STXBP4: variants seen among roughly 807,000 people sequenced by gnomAD.
STXBP4 encodes the protein syntaxin binding protein 4.
A neutral mutation model predicts 76.1 loss-of-function variants in STXBP4; 55 were observed. The ratio of observed to expected loss-of-function variants is 0.72; its 90% confidence interval spans 0.58 to 0.91. STXBP4 has a LOEUF of 0.91. Ranked by LOEUF, STXBP4 falls within the 40% of genes least tolerant of loss-of-function variation. The pLI, the probability that STXBP4 is intolerant of heterozygous loss-of-function variation, is 0.00. For synonymous variants in STXBP4, 201 were observed against 220.2 expected (o/e 0.91, Z 0.77); for missense variants, 618 against 636.9 (o/e 0.97, Z 0.32).
At chr17:55,193,254 G>A in the STXBP4 span, among the ~76,000 whole-genome samples, 1 of 152,158 alleles carries the variant, frequency 6.6e-6, no homozygotes, top group Admixed American at 6.6e-5. Flanking sequence ...AGACCTGAGA[G>A]GTAGAGCGAG....
intron 16 of STXBP4, among the ~76,000 whole-genome samples, chr17:55,130,668 C>G (rs1253259656): frequency 6.6e-6 from 1 of 152,142 alleles, no homozygotes; most frequent in African/African-American, 2.4e-5. Flanking sequence ...CCAACATTTC[C>G]CCTTTCCCTG....
intron 17 of STXBP4, among the ~76,000 whole-genome samples, chr17:55,152,306 G>T (rs940976042): frequency 2.2e-4 from 34 of 152,168 alleles, no homozygotes; most frequent in Admixed American, 6.5e-4. Flanking sequence ...GACAAAAATA[G>T]ATATATGAAG....
At chr17:55,079,598 CAA>C (rs5821084) in intron 15 of STXBP4, among the ~76,000 whole-genome samples, 194 of 114,212 alleles carry the variant, frequency 1.7e-3, no homozygotes, top group African/African-American at 3.0e-3. Flanking sequence ...CCTATCTCTA[CAA>C]AAAAAAAAAA....
chr17:55,198,243 A>G, the STXBP4 span, among the ~76,000 whole-genome samples: 132,336 of 152,254 alleles, frequency 0.87, 57,893 homozygotes, highest in East Asian at 0.95. Context: ...CATCTGCCAC[A>G]CAGAAATGGG....
At chr17:55,199,618 C>T in the STXBP4 span, among the ~76,000 whole-genome samples, 1 of 152,122 alleles carries the variant, frequency 6.6e-6, no homozygotes, top group African/African-American at 2.4e-5. Context: ...TTCAGATTTC[C>T]CTGAGTGGTA....
chr17:54,986,423 A>T (rs138312653), intron 3 of STXBP4, among the ~76,000 whole-genome samples, 157 bp downstream of exon 3: 1 of 152,194 alleles, frequency 6.6e-6, no homozygotes, highest in Non-Finnish European at 1.5e-5. Context: ...TTACCTTTCA[A>T]TGTAAATCAG....
At chr17:55,026,398 A>G (rs1455984730) in intron 8 of STXBP4, among the ~76,000 whole-genome samples, 1 of 152,202 alleles carries the variant, frequency 6.6e-6, no homozygotes, top group Non-Finnish European at 1.5e-5. Context: ...CTCCTTGGAA[A>G]GACAAAATAG....
intron 16 of STXBP4, among the ~76,000 whole-genome samples, chr17:55,109,624 C>CTTTTTT (rs551292679): frequency 4.4e-5 from 5 of 114,370 alleles, no homozygotes; most frequent in Non-Finnish European, 3.5e-5. Flanking sequence ...AACTCAATGT[C>CTTTTTT]TTTTTTTTTT....
At position 55,016,968 on chromosome 17, in the gene STXBP4, G is replaced by A. The variant is rs141547805; in HGVS notation, c.666+9371G>A. On this transcript the variant is annotated intron_variant, in intron 8 of 17. Coordinates refer to ENST00000376352, the MANE Select transcript of STXBP4 (RefSeq NM_178509.6). ...CAGGCTGAATGCCTCTGGGCCGTCC[G>A]TGGGTTACTGGGTTAAGGATTTTTG... Among the ~76,000 whole-genome samples, 502 of 152,248 alleles carry A rather than the reference G, an allele frequency of 3.3e-3. 9 individuals are homozygous for A. Among genetic ancestry groups the A allele is most frequent in the East Asian group, 6.4e-3 (33 of 5,174 alleles).
intron 12 of STXBP4, among the ~76,000 whole-genome samples, chr17:55,052,386 C>T (rs1030730150): frequency 1.3e-5 from 2 of 151,958 alleles, no homozygotes; most frequent in Admixed American, 6.6e-5. Flanking sequence ...TAGAAGAAAT[C>T]GTAATTCACG....
the STXBP4 span, among the ~76,000 whole-genome samples, chr17:55,208,967 A>C: frequency 2.6e-5 from 4 of 151,776 alleles, no homozygotes; most frequent in African/African-American, 4.8e-5. Flanking sequence ...CTGTAATCCC[A>C]GTTACTCAGG....
chr17:54,999,372 C>G lies in STXBP4; in HGVS notation c.208C>G (p.Leu70Val), dbSNP rs774742250. 6.2e-7 allele frequency: 1 copy of G among 1,612,126 alleles called. No homozygotes were observed. The highest frequency in any genetic ancestry group is 2.2e-5 in the East Asian group (1 of 44,782). ...KDGRLKPGDQ[L>V]VSVNKESMIG... ...TGGTCGTTTGAAGCCAGGAGATCAA[C>G]TTGTCTCAGTCAACAAGGAATCTAT... The change falls in exon 5 of 18, where the codon CTT becomes GTT. Residue 70 changes from leucine (L) to valine (V), a missense_variant. Leu to Val is a conservative substitution (Grantham distance 32, BLOSUM62 1). Coordinates refer to ENST00000376352, the MANE Select transcript of STXBP4 (RefSeq NM_178509.6).
intron 12 of STXBP4, among the ~76,000 whole-genome samples, chr17:55,069,652 A>G (rs1303127441): frequency 2.0e-5 from 3 of 152,198 alleles, no homozygotes; most frequent in African/African-American, 4.8e-5. Flanking sequence ...CCAACCTGAC[A>G]GTTACACATT....
chr17:55,145,549 C>T (rs1006162101), intron 17 of STXBP4, among the ~76,000 whole-genome samples: 1 of 152,218 alleles, frequency 6.6e-6, no homozygotes, highest in Admixed American at 6.5e-5. Context: ...ACATAATCCT[C>T]ATTGACTATC....
At chr17:55,133,884 A>G (rs191411609) in intron 16 of STXBP4, among the ~76,000 whole-genome samples, 1 of 152,320 alleles carries the variant, frequency 6.6e-6, no homozygotes, top group East Asian at 1.9e-4. Context: ...ATGGGAATTG[A>G]ATGTAGACAA....
intron 16 of STXBP4, among the ~76,000 whole-genome samples, chr17:55,111,752 A>G (rs944478176): frequency 9.9e-5 from 15 of 152,188 alleles, no homozygotes; most frequent in African/African-American, 3.4e-4. Flanking sequence ...TCATGAGCCA[A>G]TTAAACTTTT....
chr17:55,059,033 T>C (rs1296388876), intron 12 of STXBP4, among the ~76,000 whole-genome samples: 3 of 152,156 alleles, frequency 2.0e-5, no homozygotes, highest in Non-Finnish European at 4.4e-5. Context: ...TCCAGTAATA[T>C]TACTAGCTAA....
At chr17:54,975,129 C>T (rs1323019958) in intron 1 of STXBP4, among the ~76,000 whole-genome samples, 1 of 152,160 alleles carries the variant, frequency 6.6e-6, no homozygotes, top group Non-Finnish European at 1.5e-5. Flanking sequence ...GCTCTACTGT[C>T]AGCATCTTGA....
intron 12 of STXBP4, among the ~76,000 whole-genome samples, chr17:55,070,420 G>T (rs960851345): frequency 6.6e-6 from 1 of 152,020 alleles, no homozygotes; most frequent in Non-Finnish European, 1.5e-5. Context: ...TGACTGGTGT[G>T]GTAGGCTAGG....
Sources: allele counts gnomAD v4.1 joint callset (sites outside exome capture counted in the v4.1 genomes callset), GRCh38; gene constraint gnomAD v4.1.1; transcripts MANE v1.5; gene names NCBI Gene and HGNC (gene_info 2026-07-23, HGNC 2026-07-21).